Variants in PCDH11X observed in about 807,000 individuals in gnomAD.
The protein encoded by PCDH11X is protocadherin-11 X-linked.
Under a neutral mutation model 53.3 loss-of-function variants are expected in PCDH11X, and 18 were observed. The observed-to-expected ratio is 0.34, with a 90% CI of 0.23 to 0.50. The LOEUF (loss-of-function observed/expected upper bound fraction) is 0.50. Ranked by LOEUF, PCDH11X falls within the 20% of genes least tolerant of loss-of-function variation. The probability of loss-of-function intolerance (pLI) is 0.98; values close to 1 mark genes in which losing one functional copy is unlikely to be tolerated. For missense variants in PCDH11X, 570 were observed against 1,032.4 expected (o/e 0.55, Z 6.14); for synonymous variants, 279 against 393.3 (o/e 0.71, Z 3.44).
rs757094266 is a variant in PCDH11X, at chrX:91,782,183, C to A, written c.-379+2499C>A. Among the ~76,000 whole-genome samples, 3 of 112,336 alleles carry A rather than the reference C, an allele frequency of 2.7e-5. No individual in the cohort carries two copies. In the South Asian group the frequency reaches 1.1e-3, roughly 41 times the overall value. Reference sequence around the variant, plus strand: ...CTGGGTCCCGGCTCGCAGCCCCCCCCTTCCAGTCCCTCGCTCCTCAGAGGC... The same window carrying A: ...CTGGGTCCCGGCTCGCAGCCCCCCCATTCCAGTCCCTCGCTCCTCAGAGGC... On this transcript the variant is annotated intron_variant, in intron 1 of 10. Transcript: ENST00000682573.
rs775628391 is a variant in PCDH11X at position 92,232,937 on chromosome X, C to G, written c.3115-30177C>G. ...TCACCATGTTAGCCAGGATGGTCTC[C>G]ATCTCCCGACCTCCTGATCCGCCCA... On this transcript the variant is annotated intron_variant, in intron 7 of 10. Transcript: ENST00000682573. 1.6e-3 allele frequency among the ~76,000 whole-genome samples: 173 copies of G among 111,259 alleles called. 1 individual carries two copies. Among genetic ancestry groups the G allele is most frequent in the East Asian group, 4.6e-3 (16 of 3,498 alleles).
chrX:91,971,005 A>T (rs758902659), intron 6 of PCDH11X, among the ~76,000 whole-genome samples: 6 of 111,564 alleles, frequency 5.4e-5, no homozygotes, highest in African/African-American at 2.0e-4. Flanking sequence ...ATACATAGAA[A>T]TTTTAATAAG....
At chrX:92,437,371 T>A (rs62598682) in intron 9 of PCDH11X, among the ~76,000 whole-genome samples, 12,035 of 111,273 alleles carry the variant, frequency 0.11, 512 homozygotes, top group Middle Eastern at 0.15. Flanking sequence ...AGTCTGAGCT[T>A]CAGTGGATCT....
At chrX:92,616,727 A>G (rs1271980508) in intron 10 of PCDH11X, among the ~76,000 whole-genome samples, 2 of 107,858 alleles carry the variant, frequency 1.9e-5, no homozygotes, top group Non-Finnish European at 3.9e-5. Flanking sequence ...ACCTTTCCCC[A>G]TAAATTATAG....
At chrX:92,453,696 G>A (rs1193216529) in intron 9 of PCDH11X, among the ~76,000 whole-genome samples, 3 of 110,761 alleles carry the variant, frequency 2.7e-5, no homozygotes, top group Admixed American at 9.6e-5. Flanking sequence ...TGATCTACAT[G>A]TCTTTTGAAA....
chrX:92,383,338 T>A (rs1347052116), intron 8 of PCDH11X, among the ~76,000 whole-genome samples: 3 of 99,404 alleles, frequency 3.0e-5, no homozygotes, highest in African/African-American at 1.1e-4. Context: ...TTTTTTTTTT[T>A]AATTATACTT....
intron 6 of PCDH11X, among the ~76,000 whole-genome samples, chrX:92,127,165 C>A (rs188571033): frequency 1.1e-3 from 126 of 110,535 alleles, no homozygotes; most frequent in African/African-American, 4.0e-3. Flanking sequence ...CATTGCCAAG[C>A]CCCTATGTAT....
At chrX:92,104,141 A>G (rs1369181860) in intron 6 of PCDH11X, among the ~76,000 whole-genome samples, 2 of 111,077 alleles carry the variant, frequency 1.8e-5, no homozygotes, top group Non-Finnish European at 3.8e-5. Context: ...CTTTTTAAGA[A>G]TAAATTGCTG....
intron 6 of PCDH11X, among the ~76,000 whole-genome samples, chrX:92,163,309 G>A (rs1331982868): frequency 2.7e-5 from 3 of 109,179 alleles, no homozygotes; most frequent in African/African-American, 1.0e-4. Flanking sequence ...CCCACCTGTC[G>A]ATTCTGCATA....
chrX:92,051,240 T>C (rs908494595), intron 6 of PCDH11X, among the ~76,000 whole-genome samples: 3 of 112,088 alleles, frequency 2.7e-5, no homozygotes, highest in African/African-American at 9.7e-5. Context: ...TTTGTCCTAA[T>C]GTCTCTTTCA....
intron 6 of PCDH11X, among the ~76,000 whole-genome samples, chrX:92,007,961 T>TG (rs1224542426): frequency 1.8e-5 from 2 of 110,623 alleles, no homozygotes; most frequent in African/African-American, 3.3e-5. Flanking sequence ...AAGCCTGGAA[T>TG]GGGGGGCCTC....
intron 8 of PCDH11X, among the ~76,000 whole-genome samples, chrX:92,271,532 A>G (rs1405940519): frequency 8.9e-6 from 1 of 112,150 alleles, no homozygotes; most frequent in Admixed American, 9.5e-5. Flanking sequence ...AGAGAACCTC[A>G]TTAGTTACTT....
At position 91,991,748 on chromosome X, in the gene PCDH11X, T is replaced by C. The variant is rs141340594; in HGVS notation, c.3033+112475T>C. Among the ~76,000 whole-genome samples the C allele has an allele frequency of 6.5e-3, 721 of 110,086 alleles. 4 individuals are homozygous for C. Among genetic ancestry groups the C allele is most frequent in the African/African-American group, 0.022 (679 of 30,398 alleles). ...CTTCCTCAGTGATTCTTGTGATTTATATGTTGACTCGCGTTTACATGCTTT... is the reference window on the plus strand; with the variant it reads ...CTTCCTCAGTGATTCTTGTGATTTACATGTTGACTCGCGTTTACATGCTTT... On this transcript the variant is annotated intron_variant, in intron 6 of 10. Transcript: ENST00000682573.
chrX:91,832,023 C>T (rs182793415), intron 4 of PCDH11X, among the ~76,000 whole-genome samples: 57 of 110,622 alleles, frequency 5.2e-4, no homozygotes, highest in African/African-American at 1.8e-3. Context: ...GAATGAATTT[C>T]CAGTTATGAA....
intron 5 of PCDH11X, among the ~76,000 whole-genome samples, chrX:91,857,847 A>G (rs1938438543): frequency 9.0e-6 from 1 of 111,356 alleles, no homozygotes; most frequent in South Asian, 3.8e-4. Flanking sequence ...TGGCTTTTCC[A>G]GGCACATGGT....
At chrX:92,471,389 G>A (rs1018748195) in intron 10 of PCDH11X, among the ~76,000 whole-genome samples, 1 of 103,305 alleles carries the variant, frequency 9.7e-6, no homozygotes, top group African/African-American at 3.5e-5. Context: ...GTGTTATTTT[G>A]GTAAAAATAA....
intron 10 of PCDH11X, among the ~76,000 whole-genome samples, chrX:92,560,438 A>G (rs1007998111): frequency 2.7e-5 from 3 of 111,170 alleles, no homozygotes; most frequent in African/African-American, 9.9e-5. Context: ...AAAGTTAAAG[A>G]AACATTGTTT....
chrX:92,584,789 C>CTTT (rs1171667582), intron 10 of PCDH11X, among the ~76,000 whole-genome samples: 6,819 of 64,949 alleles, frequency 0.1, 493 homozygotes, highest in African/African-American at 0.22. Flanking sequence ...TCTTTTTTTC[C>CTTT]TTTTTTTTTT....
intron 9 of PCDH11X, chrX:92,460,535 G>A (rs1205028756): frequency 2.5e-5 from 18 of 732,984 alleles, no homozygotes; most frequent in Non-Finnish European, 3.4e-5. Context: ...TGGAGCTGCT[G>A]AGATGACGCT....
Sources: allele counts gnomAD v4.1 joint callset (sites outside exome capture counted in the v4.1 genomes callset), GRCh38; gene constraint gnomAD v4.1.1; transcripts MANE v1.5; gene names NCBI Gene and HGNC (gene_info 2026-07-23, HGNC 2026-07-21).